The following PCDHAC1 variants were observed in gnomAD, a reference collection of about 807,000 sequenced individuals.
PCDHAC1 encodes the protein protocadherin alpha subfamily C, 1, also known as protocadherin alpha-C1.
A neutral mutation model predicts 60.0 loss-of-function variants in PCDHAC1; 42 were observed. That is an observed-to-expected ratio of 0.70 (90% confidence interval 0.55 to 0.90). PCDHAC1 has a LOEUF of 0.90. Among genes scored for constraint, PCDHAC1 ranks in the 40% least tolerant of loss-of-function variants. The probability of loss-of-function intolerance (pLI) is 0.00; values close to 1 mark genes in which losing one functional copy is unlikely to be tolerated. For synonymous variants in PCDHAC1, 468 were observed against 499.3 expected, an observed-to-expected ratio of 0.94 and a Z score of 0.84; for missense variants, 1,160 against 1,222.3, an observed-to-expected ratio of 0.95 and a Z score of 0.76.
chr5:140,948,709 CT>C (rs144736017), intron 1 of PCDHAC1, among the ~76,000 whole-genome samples: 2,043 of 151,408 alleles, frequency 0.013, 38 homozygotes, highest in African/African-American at 0.047. Context: ...GTGTTCTATC[CT>C]CTTTTTTATC....
chr5:140,968,176 G>A, intron 1 of PCDHAC1: 1 of 1,614,062 alleles, frequency 6.2e-7, no homozygotes, highest in Non-Finnish European at 8.5e-7. Flanking sequence ...CAAGCTTCCT[G>A]GAGGACTCCT....
At chr5:140,978,835 A>G in intron 1 of PCDHAC1, 114 bp from the exon 2 acceptor site, 2 of 1,550,342 alleles carry the variant, frequency 1.3e-6, no homozygotes, top group Non-Finnish European at 1.7e-6. Flanking sequence ...TGGCTCATTC[A>G]ATACTTTTTT....
At chr5:140,969,588 T>A in intron 1 of PCDHAC1, 1 of 849,870 alleles carries the variant, frequency 1.2e-6, no homozygotes, top group Non-Finnish European at 1.8e-6. Context: ...GGATTAGTCT[T>A]AATATTTAAT....
chr5:140,931,304 G>A (rs1218460625), intron 1 of PCDHAC1, among the ~76,000 whole-genome samples: 13 of 152,056 alleles, frequency 8.5e-5, no homozygotes, highest in Non-Finnish European at 1.9e-4. Context: ...CAAAAAGAGA[G>A]GAGAATACCA....
Position 141,010,405 on chromosome 5 carries a change from C to G in PCDHAC1, c.*468C>G. On this transcript the variant is annotated 3_prime_UTR_variant, in exon 4 of 4. Transcript: ENST00000253807. ...ATTGGCTGAGACGAGCCAGCTTAGA[C>G]TAATTGGTACAAGGAAGGCAAGAAA... 1 of 1,260,098 alleles carries G rather than the reference C, an allele frequency of 7.9e-7. No homozygotes were observed. Among genetic ancestry groups the G allele is most frequent in the South Asian group, 1.6e-5 (1 of 64,208 alleles). 78.1% of individuals were successfully genotyped at this position (1,260,098 alleles called of 1,614,324 possible). A position where few individuals can be genotyped will look rare whatever the true frequency, so the allele number is the denominator to read the frequency against.
At chr5:140,977,461 G>A (rs1554238575) in intron 1 of PCDHAC1, among the ~76,000 whole-genome samples, 1 of 152,120 alleles carries the variant, frequency 6.6e-6, no homozygotes, top group African/African-American at 2.4e-5. Context: ...CTTTGATTTG[G>A]TCTGTAGATA....
chr5:140,990,379 G>C (rs1554251452), intron 3 of PCDHAC1, among the ~76,000 whole-genome samples: 3 of 152,092 alleles, frequency 2.0e-5, no homozygotes. Context: ...CAAATTTGTT[G>C]GTGATGTTCC....
chr5:140,994,429 G>A (rs1474074265), intron 3 of PCDHAC1, among the ~76,000 whole-genome samples: 1 of 152,110 alleles, frequency 6.6e-6, no homozygotes, highest in Non-Finnish European at 1.5e-5. Flanking sequence ...GAGGCCGGGC[G>A]CAGTGGCTCA....
chr5:140,972,820 C>T (rs1247488574), intron 1 of PCDHAC1, among the ~76,000 whole-genome samples: 1 of 151,962 alleles, frequency 6.6e-6, no homozygotes, highest in Non-Finnish European at 1.5e-5. Context: ...CGCGCCACCA[C>T]GCCTGGCTAA....
rs2098418669 is a variant in PCDHAC1 at position 141,010,882 on chromosome 5, G to C, written c.*945G>C. On this transcript the variant is annotated 3_prime_UTR_variant, in exon 4 of 4. Transcript: ENST00000253807. ...GTCTATAGCTATAAATCTTTAAAGAGAAATATGAATACAATTCCCCTAAAC... is the reference window on the plus strand; with the variant it reads ...GTCTATAGCTATAAATCTTTAAAGACAAATATGAATACAATTCCCCTAAAC... The C allele has an allele frequency of 6.5e-6, 1 of 153,674 alleles. No homozygotes were observed. The allele number at this position is 153,674 out of a possible 1,614,324, so 9.5% of individuals were successfully genotyped here.
At position 140,927,097 on chromosome 5, in the gene PCDHAC1, G is replaced by A; in HGVS notation, c.205G>A (p.Asp69Asn). 6.2e-7 allele frequency: 1 copy of A among 1,613,358 alleles called. No individual in the cohort carries two copies. Among genetic ancestry groups the A allele is most frequent in the Non-Finnish European group, 8.5e-7 (1 of 1,179,496 alleles). ...SSHRELYFGV[D>N]LPSGNLVVRE... is the part of the protein sequence containing the mutation. ...CCACCGCGAGCTCTACTTCGGGGTGGATCTACCCAGCGGCAATTTGGTGGT... is the reference window on the plus strand; with the variant it reads ...CCACCGCGAGCTCTACTTCGGGGTGAATCTACCCAGCGGCAATTTGGTGGT... Residue 69 changes from aspartate to asparagine, a missense_variant, in exon 1 of 4, where the codon GAT (aspartate) becomes AAT (asparagine). By Grantham distance (23) the Asp-to-Asn change is conservative. Coordinates refer to ENST00000253807, the MANE Select transcript of PCDHAC1 (RefSeq NM_018898.5).
intron 1 of PCDHAC1, among the ~76,000 whole-genome samples, chr5:140,934,631 G>A (rs2089960013): frequency 6.6e-6 from 1 of 151,984 alleles, no homozygotes; most frequent in African/African-American, 2.4e-5. Flanking sequence ...GTTCACACAG[G>A]AAAGGCAGGA....
chr5:140,942,618 GT>G (rs1372135994), intron 1 of PCDHAC1, among the ~76,000 whole-genome samples: 1 of 97,742 alleles, frequency 1.0e-5, no homozygotes, highest in African/African-American at 5.0e-5. Context: ...TTTGCCAATT[GT>G]AAAAAAAAAA....
Position 140,995,490 on chromosome 5 carries a change from A to C in PCDHAC1, c.2581+12927A>C, listed in dbSNP as rs181247682. Among the ~76,000 whole-genome samples the C allele has an allele frequency of 2.7e-3, 416 of 152,304 alleles. 1 individual carries two copies. The highest frequency in any genetic ancestry group is 4.2e-3 in the Non-Finnish European group (283 of 68,028). ...ATTTTTCATTTAATATTTTCAGACT[A>C]AGGTTGACTGTGGGTAACTGAAGCC... is the stretch of plus-strand genomic sequence containing the variant. On this transcript the variant is annotated intron_variant, in intron 3 of 3. Transcript: ENST00000253807.
intron 1 of PCDHAC1, among the ~76,000 whole-genome samples, chr5:140,936,899 A>G (rs2091202352): frequency 6.6e-6 from 1 of 152,188 alleles, no homozygotes; most frequent in South Asian, 2.1e-4. Context: ...AATTGGCACT[A>G]TATTGAATCT....
chr5:140,951,243 A>G (rs1192486913), intron 1 of PCDHAC1, among the ~76,000 whole-genome samples: 3 of 152,172 alleles, frequency 2.0e-5, no homozygotes, highest in Non-Finnish European at 4.4e-5. Context: ...ACCTTTAGGA[A>G]TGCATCACAT....
intron 3 of PCDHAC1, among the ~76,000 whole-genome samples, chr5:141,006,404 G>T (rs1001810745): frequency 6.6e-6 from 1 of 151,938 alleles, no homozygotes; most frequent in Admixed American, 6.6e-5. Flanking sequence ...TAGTAGAGAC[G>T]CGGTTTCACT....
At chr5:141,000,377 C>G (rs1213637729) in intron 3 of PCDHAC1, among the ~76,000 whole-genome samples, 1 of 58,954 alleles carries the variant, frequency 1.7e-5, no homozygotes, top group South Asian at 5.5e-4. Flanking sequence ...CTCTCTCTCT[C>G]TCTCTCTCTC....
At chr5:141,003,689 A>G (rs2098134450) in intron 3 of PCDHAC1, among the ~76,000 whole-genome samples, 3 of 152,228 alleles carry the variant, frequency 2.0e-5, no homozygotes, top group African/African-American at 7.2e-5. Flanking sequence ...ATTTTAAAAT[A>G]TATCCCTACC....
Sources: allele counts gnomAD v4.1 joint callset (sites outside exome capture counted in the v4.1 genomes callset), GRCh38; gene constraint gnomAD v4.1.1; transcripts MANE v1.5; gene names NCBI Gene and HGNC (gene_info 2026-07-23, HGNC 2026-07-21).